The following TMEM178B variants were observed in gnomAD, a reference collection of about 807,000 sequenced individuals.
TMEM178B encodes transmembrane protein 178B.
Under a neutral mutation model 31.0 loss-of-function variants are expected in TMEM178B, and 5 were observed. The ratio of observed to expected loss-of-function variants is 0.16; its 90% CI spans 0.08 to 0.34. The LOEUF is 0.34. TMEM178B is among the 10% of genes least tolerant of loss of function. The pLI is 1.00. For missense variants in TMEM178B, 275 were observed against 400.3 expected (o/e 0.69, Z 2.67); for synonymous variants, 164 against 164.0 (o/e 1.00, Z 0.00).
intron 1 of TMEM178B, among the ~76,000 whole-genome samples, chr7:141,199,310 G>A (rs1796837431): frequency 6.6e-6 from 1 of 152,238 alleles, no homozygotes; most frequent in Non-Finnish European, 1.5e-5. Flanking sequence ...TGCTGCAAAA[G>A]TAATTGCGGT....
At chr7:141,212,536 G>C in intron 1 of TMEM178B, 55 bp from the exon 2 acceptor site, 1 of 1,421,294 alleles carries the variant, frequency 7.0e-7, no homozygotes. Context: ...CCCAGAACTA[G>C]TCCAGATGTG....
At chr7:141,169,026 T>G (rs1358630805) in intron 1 of TMEM178B, among the ~76,000 whole-genome samples, 1 of 152,236 alleles carries the variant, frequency 6.6e-6, no homozygotes, top group African/African-American at 2.4e-5. Flanking sequence ...AAAAATTAGT[T>G]CTTCCTGAAT....
chr7:141,413,796 A>G (rs1801047521), intron 2 of TMEM178B, among the ~76,000 whole-genome samples: 1 of 152,176 alleles, frequency 6.6e-6, no homozygotes, highest in South Asian at 2.1e-4. Context: ...GTTCTTAAAT[A>G]ATGTTTTAAG....
chr7:141,332,166 C>T (rs1156614948), intron 2 of TMEM178B, among the ~76,000 whole-genome samples: 1 of 152,154 alleles, frequency 6.6e-6, no homozygotes, highest in African/African-American at 2.4e-5. Context: ...AGCCAAGACC[C>T]TCTTCCAAAC....
Position 141,370,020 on chromosome 7 carries a change from G to T in TMEM178B, c.497-67588G>T, listed in dbSNP as rs548006590. On this transcript the variant is annotated intron_variant, in intron 2 of 3. Coordinates refer to ENST00000565468, the MANE Select transcript of TMEM178B (RefSeq NM_001195278.2). ...CCTTAGTCCTCCCAAATAACAATGGGTTCCATGTAGGTTTTGAACTCACAG... is the reference window on the plus strand; with the variant it reads ...CCTTAGTCCTCCCAAATAACAATGGTTTCCATGTAGGTTTTGAACTCACAG... 8.5e-5 allele frequency among the ~76,000 whole-genome samples: 13 copies of T among 152,260 alleles called. No individual in the cohort carries two copies. The East Asian group carries it at 2.5e-3, about 29-fold the overall frequency.
At chr7:141,497,143 A>G in the TMEM178B span, among the ~76,000 whole-genome samples, 1 of 152,322 alleles carries the variant, frequency 6.6e-6, no homozygotes, top group South Asian at 2.1e-4. Flanking sequence ...ACACACAGGT[A>G]GAGAAGCCAT....
At chr7:141,319,445 T>G (rs1799060157) in intron 2 of TMEM178B, among the ~76,000 whole-genome samples, 1 of 152,222 alleles carries the variant, frequency 6.6e-6, no homozygotes, top group Non-Finnish European at 1.5e-5. Context: ...GGGGGGAGTT[T>G]AGGCATTTTT....
chr7:141,458,728 T>C, intron 3 of TMEM178B, among the ~76,000 whole-genome samples: 1 of 152,234 alleles, frequency 6.6e-6, no homozygotes, highest in East Asian at 1.9e-4. Flanking sequence ...TCACATTCAT[T>C]ATTATGGCTC....
intron 1 of TMEM178B, among the ~76,000 whole-genome samples, chr7:141,189,382 C>A (rs1191752761): frequency 1.3e-5 from 2 of 152,138 alleles, no homozygotes; most frequent in Non-Finnish European, 2.9e-5. Context: ...GGCCTGTGGG[C>A]CGATGCTGGT....
At position 141,380,037 on chromosome 7, in the gene TMEM178B, T is replaced by C. The variant is rs188136112; in HGVS notation, c.497-57571T>C. On this transcript the variant is annotated intron_variant, in intron 2 of 3. Transcript: ENST00000565468. The stretch of plus-strand genomic sequence containing the variant: ...ACTACTCTAGATGTAGACTAAGAAG[T>C]TGCTTAGCTCACCACCCTCTACCCA... Among the ~76,000 whole-genome samples the C allele has an allele frequency of 1.8e-3, 279 of 152,332 alleles. 1 individual carries two copies. Among genetic ancestry groups the C allele is most frequent in the Non-Finnish European group, 3.1e-3 (212 of 68,020 alleles).
chr7:141,234,685 C>G (rs905672975), intron 2 of TMEM178B, among the ~76,000 whole-genome samples: 4 of 152,186 alleles, frequency 2.6e-5, no homozygotes, highest in African/African-American at 9.7e-5. Context: ...ACCCTAATTC[C>G]CCTTGCATCT....
the TMEM178B span, among the ~76,000 whole-genome samples, chr7:141,489,842 C>A: frequency 6.6e-6 from 1 of 152,188 alleles, no homozygotes; most frequent in African/African-American, 2.4e-5. Context: ...AAATAACATC[C>A]TCTAGATTTG....
In TMEM178B at chr7:141,171,029, C is replaced by T. The variant is rs1455142127; in HGVS notation, c.383-41562C>T. ...CATCACACACACATACACACACACACACACACACACACACACACACACACA... is the reference window on the plus strand; with the variant it reads ...CATCACACACACATACACACACACATACACACACACACACACACACACACA... On this transcript the variant is annotated intron_variant, in intron 1 of 3. Transcript: ENST00000565468. The surrounding 1 kb of genome is among the most constrained non-coding windows in gnomAD (Gnocchi z 4.3). Among the ~76,000 whole-genome samples, 1 of 14,452 alleles carries T rather than the reference C, an allele frequency of 6.9e-5. No homozygotes were observed. 9.5% of individuals were successfully genotyped at this position (14,452 alleles called of 152,430 possible).
At chr7:141,128,389 C>G (rs1369319443) in intron 1 of TMEM178B, among the ~76,000 whole-genome samples, 2 of 152,080 alleles carry the variant, frequency 1.3e-5, no homozygotes, top group Admixed American at 1.3e-4. Flanking sequence ...TATCAAACTT[C>G]TTTGGTCTTC....
chr7:141,380,878 G>A (rs894862962), intron 2 of TMEM178B, among the ~76,000 whole-genome samples: 4 of 152,192 alleles, frequency 2.6e-5, no homozygotes, highest in African/African-American at 9.7e-5. Context: ...ATACCTCTCA[G>A]TCTGTTAGGA....
chr7:141,156,533 A>C (rs1018901925), intron 1 of TMEM178B, among the ~76,000 whole-genome samples: 10 of 152,216 alleles, frequency 6.6e-5, no homozygotes, highest in African/African-American at 9.6e-5. Flanking sequence ...GGACACCTTG[A>C]AAGATGATGG....
At chr7:141,491,122 A>C in the TMEM178B span, among the ~76,000 whole-genome samples, 1 of 151,902 alleles carries the variant, frequency 6.6e-6, no homozygotes, top group Non-Finnish European at 1.5e-5. Flanking sequence ...TGACCTCCCC[A>C]ACTCAAGAAA....
intron 1 of TMEM178B, among the ~76,000 whole-genome samples, chr7:141,124,773 A>T (rs765459231): frequency 6.6e-6 from 1 of 152,228 alleles, no homozygotes; most frequent in Non-Finnish European, 1.5e-5. Context: ...TAGGGATATG[A>T]GTATTATATT....
chr7:141,409,666 AAG>A, intron 2 of TMEM178B, among the ~76,000 whole-genome samples: 1 of 152,020 alleles, frequency 6.6e-6, no homozygotes, highest in Non-Finnish European at 1.5e-5. Context: ...TTCTTCAAGA[AAG>A]AGAACAGCAA....
Sources: allele counts gnomAD v4.1 joint callset (sites outside exome capture counted in the v4.1 genomes callset), GRCh38; gene constraint gnomAD v4.1.1; non-coding constraint Gnocchi (gnomAD v3.1); transcripts MANE v1.5; gene names NCBI Gene and HGNC (gene_info 2026-07-23, HGNC 2026-07-21).